MROH9: variants seen among roughly 807,000 people sequenced by gnomAD.
The protein encoded by MROH9 is maestro heat-like repeat-containing protein family member 9.
In MROH9, 92 loss-of-function variants were observed where a neutral mutation model predicts 98.2. The observed-to-expected ratio is 0.94, with a 90% CI of 0.79 to 1.11. The LOEUF is 1.11. Among genes scored for constraint, MROH9 ranks in the 50% most tolerant of loss-of-function variants. The probability of loss-of-function intolerance (pLI) is 0.00; values close to 1 mark genes in which losing one functional copy is unlikely to be tolerated. For synonymous variants in MROH9, 397 were observed against 368.9 expected, an observed-to-expected ratio of 1.08 and a Z score of -0.87; for missense variants, 1,057 against 1,014.8, an observed-to-expected ratio of 1.04 and a Z score of -0.57.
At chr1:170,954,089 T>C (rs879422831) in intron 3 of MROH9, among the ~76,000 whole-genome samples, 2 of 152,086 alleles carry the variant, frequency 1.3e-5, no homozygotes, top group African/African-American at 2.4e-5. Context: ...CTGGATTCTT[T>C]CTGTAGAAGT....
Position 170,949,921 on chromosome 1 carries a change from G to A in MROH9, c.72+2348G>A, listed in dbSNP as rs971958957. On this transcript the variant is annotated intron_variant, in intron 3 of 21. Transcript: ENST00000367759. ...CAGAGTACAGAGACATGTGAGAGAG[G>A]GAAATCCCTTCCCTATTCCAATGAT... is the stretch of plus-strand genomic sequence containing the variant. 3.9e-5 allele frequency among the ~76,000 whole-genome samples: 6 copies of A among 152,118 alleles called. No homozygotes were observed. In the East Asian group the frequency reaches 1.2e-3, roughly 29 times the overall value.
At position 171,064,211 on chromosome 1, in the gene MROH9, A is replaced by G; in HGVS notation, c.2457A>G (p.Gln819=). ...AACTGACCTCTGCACCTCTTAAACAAAACTTCCAAAAATTGCTTAAATTAT... is the reference window on the plus strand; with the variant it reads ...AACTGACCTCTGCACCTCTTAAACAGAACTTCCAAAAATTGCTTAAATTAT... ...AHKLTSAPLK[Q]NFQKLLKLFY... The change falls in exon 22 of 22, where the codon CAA becomes CAG. Residue 819 remains glutamine (Q), a synonymous_variant. Coordinates refer to ENST00000367759, the MANE Select transcript of MROH9 (RefSeq NM_001163629.2). The G allele has an allele frequency of 6.4e-7, 1 of 1,551,598 alleles. No homozygotes were observed. Among genetic ancestry groups the G allele is most frequent in the Non-Finnish European group, 8.7e-7 (1 of 1,146,930 alleles).
intron 8 of MROH9, among the ~76,000 whole-genome samples, chr1:170,974,474 A>C (rs1557880714): frequency 6.6e-6 from 1 of 152,104 alleles, no homozygotes; most frequent in Non-Finnish European, 1.5e-5. Context: ...CAGATTTCTC[A>C]CCAGAAATGA....
At chr1:170,973,685 G>A (rs905762550) in intron 8 of MROH9, among the ~76,000 whole-genome samples, 30 of 152,166 alleles carry the variant, frequency 2.0e-4, no homozygotes, top group Admixed American at 2.0e-4. Context: ...TGATTAGCCT[G>A]GCTAAAATGG....
chr1:170,948,643 C>T (rs531123930), intron 3 of MROH9, among the ~76,000 whole-genome samples: 2 of 152,048 alleles, frequency 1.3e-5, no homozygotes, highest in Admixed American at 6.6e-5. Flanking sequence ...TGCTTATAGT[C>T]CAATGGGAGA....
intron 20 of MROH9, among the ~76,000 whole-genome samples, chr1:171,040,850 A>G (rs887263647): frequency 1.3e-5 from 2 of 152,098 alleles, no homozygotes; most frequent in African/African-American, 4.8e-5. Context: ...ATCACATAGA[A>G]TGGCATGTAT....
chr1:171,030,489 A>G (rs1571152948), intron 20 of MROH9, among the ~76,000 whole-genome samples: 1 of 152,024 alleles, frequency 6.6e-6, no homozygotes, highest in African/African-American at 2.4e-5. Flanking sequence ...ACATTGTCCC[A>G]TGTTCTCATT....
In MROH9 at chr1:171,011,553, A is replaced by G. The variant is rs189344875; in HGVS notation, c.1597-2564A>G. ...TTTATTTCACTCAGAATTTCAAATG[A>G]CTGCCATAATCACTGGGTCTCTACT... On this transcript the variant is annotated intron_variant, in intron 15 of 21. Coordinates refer to ENST00000367759, the MANE Select transcript of MROH9 (RefSeq NM_001163629.2). Among the ~76,000 whole-genome samples the G allele has an allele frequency of 4.7e-4, 71 of 152,318 alleles. 2 individuals carry two copies. In the East Asian group the frequency reaches 0.013, roughly 28 times the overall value.
At chr1:170,974,837 T>C (rs535664988) in intron 8 of MROH9, among the ~76,000 whole-genome samples, 1 of 151,888 alleles carries the variant, frequency 6.6e-6, no homozygotes, top group Non-Finnish European at 1.5e-5. Context: ...GTAAAATATA[T>C]AAAAACAACA....
chr1:170,986,002 C>T (rs1455734071), intron 9 of MROH9, among the ~76,000 whole-genome samples: 2 of 151,586 alleles, frequency 1.3e-5, no homozygotes, highest in African/African-American at 4.9e-5. Context: ...GCTCGTTTAT[C>T]TTTCTTTGAG....
At chr1:171,001,470 T>C (rs1196884930) in intron 15 of MROH9, among the ~76,000 whole-genome samples, 2 of 152,150 alleles carry the variant, frequency 1.3e-5, no homozygotes, top group Non-Finnish European at 1.5e-5. Context: ...GTGCAAAAAC[T>C]TTTTTAAATT....
chr1:171,007,819 G>A (rs57219433), intron 15 of MROH9, among the ~76,000 whole-genome samples: 2,800 of 152,242 alleles, frequency 0.018, 95 homozygotes, highest in African/African-American at 0.065. Flanking sequence ...GATGATTTTG[G>A]TGGCAGAACC....
chr1:171,048,319 G>T (rs960229002), intron 20 of MROH9, among the ~76,000 whole-genome samples: 2 of 152,154 alleles, frequency 1.3e-5, no homozygotes, highest in Non-Finnish European at 2.9e-5. Flanking sequence ...AGTCTACTTG[G>T]TGTTCCATTG....
chr1:171,052,339 C>T (rs1277504327), intron 20 of MROH9, among the ~76,000 whole-genome samples: 1 of 152,154 alleles, frequency 6.6e-6, no homozygotes, highest in Non-Finnish European at 1.5e-5. Flanking sequence ...ATCCGTGGCC[C>T]CCCAGTGGTA....
At chr1:170,964,694 T>C (rs1046280656) in intron 6 of MROH9, among the ~76,000 whole-genome samples, 9 of 151,998 alleles carry the variant, frequency 5.9e-5, no homozygotes, top group Non-Finnish European at 1.0e-4. Flanking sequence ...GCCAGAATAT[T>C]TGAGTGGTGA....
In MROH9 at chr1:171,025,384, A is replaced by G. The variant is rs1293650554; in HGVS notation, c.2245A>G (p.Arg749Gly). 1 of 1,549,810 alleles carries G rather than the reference A, an allele frequency of 6.5e-7. No individual in the cohort carries two copies. The highest frequency in any genetic ancestry group is 1.2e-5 in the South Asian group (1 of 84,014). ...TACCTTACGATTCCTGTGGAGCCCC[A>G]GAACATATCTTAAGAGGGCATCGGT... ...SDTLRFLWSP[R>G]TYLKRASVIL... The change falls in exon 20 of 22, where the codon AGA becomes GGA. Residue 749 changes from arginine to glycine, a missense_variant. Coordinates refer to ENST00000367759, the MANE Select transcript of MROH9 (RefSeq NM_001163629.2).
At chr1:170,985,797 C>T (rs1651109635) in intron 9 of MROH9, among the ~76,000 whole-genome samples, 1 of 151,716 alleles carries the variant, frequency 6.6e-6, no homozygotes. Flanking sequence ...CTTCCATCAC[C>T]CCTCTGCCCA....
At chr1:171,008,315 T>A (rs1280600591) in intron 15 of MROH9, among the ~76,000 whole-genome samples, 1 of 152,196 alleles carries the variant, frequency 6.6e-6, no homozygotes, top group Non-Finnish European at 1.5e-5. Flanking sequence ...CATTGTAATA[T>A]TCTACAAACT....
chr1:170,942,368 GACACACACACACACACAC>G (rs10529238), intron 1 of MROH9, among the ~76,000 whole-genome samples: 7 of 145,058 alleles, frequency 4.8e-5, no homozygotes, highest in East Asian at 4.1e-4. Flanking sequence ...ATGTAGAGTA[GACACACACACACACACAC>G]ACACACACAC....
Sources: allele counts gnomAD v4.1 joint callset (sites outside exome capture counted in the v4.1 genomes callset), GRCh38; gene constraint gnomAD v4.1.1; transcripts MANE v1.5; gene names NCBI Gene and HGNC (gene_info 2026-07-23, HGNC 2026-07-21).